The following CCNF variants were observed in gnomAD, a reference collection of about 807,000 sequenced individuals.
CCNF encodes the protein cyclin-F.
CCNF carries 30 observed loss-of-function variants against 85.4 expected under a neutral mutation model. The ratio of observed to expected loss-of-function variants is 0.35; its 90% CI spans 0.26 to 0.48. The LOEUF is 0.48. Ranked by LOEUF, CCNF falls within the 20% of genes least tolerant of loss-of-function variation. CCNF has a pLI of 0.99. For synonymous variants in CCNF, 439 were observed against 425.1 expected (o/e 1.03, Z -0.40); for missense variants, 919 against 1,010.4 (o/e 0.91, Z 1.23).
Position 2,429,461 on chromosome 16 carries a change from G to C in CCNF, c.-21G>C. 8.2e-7 allele frequency: 1 copy of C among 1,223,902 alleles called. No individual in the cohort carries two copies. Among genetic ancestry groups the C allele is most frequent in the Non-Finnish European group, 1.0e-6 (1 of 983,536 alleles). The allele number at this position is 1,223,902 out of a possible 1,614,324, so 75.8% of individuals were successfully genotyped here. On this transcript the variant is annotated 5_prime_UTR_variant, in exon 1 of 17. Coordinates refer to ENST00000397066, the MANE Select transcript of CCNF (RefSeq NM_001761.3). ...GGCGCGCTCTCAGGCGGGCTCCGGC[G>C]GCAGCGACGCGAGCGCGGCGATGGG...
At position 2,443,708 on chromosome 16, in the gene CCNF, C is replaced by A. The variant is rs1209148051; in HGVS notation, c.837C>A (p.Ser279=). The A allele has an allele frequency of 2.5e-6, 4 of 1,613,978 alleles. No homozygotes were observed. The African/African-American group carries it at 5.3e-5, about 22-fold the overall frequency. Residue 279 remains serine (S), a synonymous_variant, in exon 9 of 17, where the codon TCC becomes TCA. Coordinates refer to ENST00000397066, the MANE Select transcript of CCNF (RefSeq NM_001761.3). ...AGCTTGGACTGGAGGTGAGAGCTTC[C>A]AGTGAGATCGTCTGCCAGCTATTTC... ...ANQLGLEVRA[S]SEIVCQLFQA...
At chr16:2,437,894 G>C (rs2065299975) in intron 5 of CCNF, 176 bp from the exon 6 acceptor site, 2 of 519,470 alleles carry the variant, frequency 3.9e-6, no homozygotes, top group South Asian at 4.2e-5. Context: ...GCAAGACCCT[G>C]TTTCCCTTTA....
rs2065434474 is a variant in CCNF, at chr16:2,457,198, T to C, written c.*178T>C. 1.8e-6 allele frequency: 1 copy of C among 564,034 alleles called. No individual in the cohort carries two copies. The highest frequency in any genetic ancestry group is 1.9e-5 in the African/African-American group (1 of 53,160). The allele number at this position is 564,034 out of a possible 1,614,324, so 34.9% of individuals were successfully genotyped here. A position where few individuals can be genotyped will look rare whatever the true frequency, so the allele number is the denominator to read the frequency against. On this transcript the variant is annotated 3_prime_UTR_variant, in exon 17 of 17. Coordinates refer to ENST00000397066, the MANE Select transcript of CCNF (RefSeq NM_001761.3). Reference sequence around the variant, plus strand: ...GAGTCCCGTGCAAGCCATCAGAATGTTGAAATGAGGGTGAAGAGCTCAGAT... The same window carrying C: ...GAGTCCCGTGCAAGCCATCAGAATGCTGAAATGAGGGTGAAGAGCTCAGAT...
intron 3 of CCNF, among the ~76,000 whole-genome samples, chr16:2,434,619 T>C (rs2065278578): frequency 6.6e-6 from 1 of 152,074 alleles, no homozygotes; most frequent in African/African-American, 2.4e-5. Flanking sequence ...TCAAAATAAA[T>C]AAATAAGTAA....
chr16:2,449,033 TG>T, intron 11 of CCNF, 55 bp downstream of exon 11: 4 of 785,316 alleles, frequency 5.1e-6, no homozygotes, highest in South Asian at 1.4e-5. Context: ...TGCTGGAGGG[TG>T]GGGGTGGGCA....
chr16:2,455,643 C>T, intron 16 of CCNF, 79 bp downstream of exon 16: 2 of 1,482,906 alleles, frequency 1.3e-6, no homozygotes, highest in South Asian at 1.4e-5. Flanking sequence ...GGCACCCGGC[C>T]CTGTGCGAGC....
rs1384215507 is a variant in CCNF, at chr16:2,456,979, A to G, written c.2320A>G (p.Ser774Gly). ...QVKRINLCIH[S>G]EEEDMNLGLV... is the part of the protein sequence containing the mutation. ...GAAGCGGATAAACCTATGCATACAC[A>G]GTGAGGAGGAGGACATGAACCTGGG... is the stretch of plus-strand genomic sequence containing the variant. The change falls in exon 17 of 17, where the codon AGT (serine) becomes GGT (glycine). Residue 774 changes from serine to glycine, a missense_variant. Transcript: ENST00000397066. This position sits in a 1 kb window ranked among gnomAD's most constrained non-coding sequence, Gnocchi z 4.5. 1.9e-6 allele frequency: 3 copies of G among 1,604,006 alleles called. No individual in the cohort carries two copies. In the South Asian group the frequency reaches 3.3e-5, roughly 18 times the overall value.
chr16:2,444,962 G>A (rs996581407), intron 9 of CCNF, among the ~76,000 whole-genome samples: 6 of 99,586 alleles, frequency 6.0e-5, no homozygotes, highest in East Asian at 3.4e-4. Context: ...GTGTGTTCTC[G>A]GCTTGCTGTA....
chr16:2,447,788 C>G (rs2141826035), intron 10 of CCNF, among the ~76,000 whole-genome samples: 1 of 152,238 alleles, frequency 6.6e-6, no homozygotes, highest in East Asian at 1.9e-4. Flanking sequence ...GAGCTGCCCC[C>G]CACCTCTGCT....
In CCNF at chr16:2,449,333, G is replaced by A. The variant is rs1398129004; in HGVS notation, c.1270G>A (p.Glu424Lys). The change falls in exon 12 of 17, where the codon GAG (glutamate) becomes AAG (lysine). Residue 424 changes from glutamate to lysine, a missense_variant. This residue lies in a region of CCNF where 505 missense variants were observed against 514.8 expected (regional missense o/e 0.98). Coordinates refer to ENST00000397066, the MANE Select transcript of CCNF (RefSeq NM_001761.3). ...KEVLLTLVPV[E>K]LRTQHLCSFL... ...GGTCCTGCTGACGCTAGTCCCTGTGGAGCTGAGAACCCAGCACCTGTGCAG... is the reference window on the plus strand; with the variant it reads ...GGTCCTGCTGACGCTAGTCCCTGTGAAGCTGAGAACCCAGCACCTGTGCAG... The A allele has an allele frequency of 6.2e-7, 1 of 1,613,748 alleles. No homozygotes were observed. The highest frequency in any genetic ancestry group is 2.2e-5 in the East Asian group (1 of 44,890).
At chr16:2,433,149 C>A in intron 3 of CCNF, 82 bp downstream of exon 3, 1 of 832,606 alleles carries the variant, frequency 1.2e-6, no homozygotes, top group Non-Finnish European at 2.0e-6. Flanking sequence ...CGGCCTGATT[C>A]AGCAACGATT....
intron 15 of CCNF, among the ~76,000 whole-genome samples, chr16:2,454,238 C>T (rs1041587998): frequency 6.6e-6 from 1 of 152,222 alleles, no homozygotes; most frequent in South Asian, 2.1e-4. Flanking sequence ...GAGACCTCAA[C>T]TCCTGGGGAG....
rs2065357887 is a variant in CCNF, at chr16:2,445,639, G to C, written c.1094+17G>C. On this transcript the variant is annotated intron_variant, in intron 10 of 16. Coordinates refer to ENST00000397066, the MANE Select transcript of CCNF (RefSeq NM_001761.3). ...CTGCACCCGGTGAGAAGCCCCCTTG[G>C]CCCAGCTGGCAGGGACGTGCTGGCC... 6.2e-7 allele frequency: 1 copy of C among 1,607,744 alleles called. No individual in the cohort carries two copies. Among genetic ancestry groups the C allele is most frequent in the East Asian group, 2.2e-5 (1 of 44,828 alleles).
At position 2,445,470 on chromosome 16, in the gene CCNF, C is replaced by A; in HGVS notation, c.942C>A (p.Ile314=). The change falls in exon 10 of 17, where the codon ATC becomes ATA. Residue 314 remains isoleucine, a synonymous_variant. Transcript: ENST00000397066. ...TCTCTTTCCGCAGGTACATTCTGAT[C>A]GACTGGCTGGTGGAAGTTGCCACCA... is the stretch of plus-strand genomic sequence containing the variant. ...GLNDTMRYIL[I]DWLVEVATMK... is the part of the protein sequence containing the mutation. 3 of 1,614,144 alleles carry A rather than the reference C, an allele frequency of 1.9e-6. No homozygotes were observed. The highest frequency in any genetic ancestry group is 1.1e-5 in the South Asian group (1 of 91,084).
rs774939405 is a variant in CCNF, at chr16:2,431,170, A to G, written c.57A>G (p.Thr19=). Reference sequence around the variant, plus strand: ...GTGCCAAGTGTTTCTGTTATCCTACAAAGCGAAGAATAAGGAGGAGGCCCC... The same window carrying G: ...GTGCCAAGTGTTTCTGTTATCCTACGAAGCGAAGAATAAGGAGGAGGCCCC... ...CRCAKCFCYP[T]KRRIRRRPRN... The change falls in exon 2 of 17, where the codon ACA becomes ACG. Residue 19 remains threonine (T), a synonymous_variant. Transcript: ENST00000397066. The G allele has an allele frequency of 3.1e-6, 5 of 1,614,094 alleles. No homozygotes were observed. In the Admixed American group the frequency reaches 5.0e-5, roughly 16 times the overall value.
At chr16:2,436,040 G>A (rs1204944426) in intron 4 of CCNF, 167 bp downstream of exon 4, 3 of 522,280 alleles carry the variant, frequency 5.7e-6, no homozygotes, top group Middle Eastern at 5.0e-4. Context: ...ACCCTGCTGA[G>A]GGACCTGCTA....
intron 7 of CCNF, 119 bp downstream of exon 7, chr16:2,439,576 T>A: frequency 1.1e-6 from 1 of 921,696 alleles, no homozygotes; most frequent in Non-Finnish European, 1.7e-6. Flanking sequence ...TCCCGGTCTC[T>A]CAGCCTCCGG....
chr16:2,451,128 A>T lies in CCNF; in HGVS notation c.1487+1213A>T, dbSNP rs1406957244. ...CAGCCCACGTTGGTTTGTTCCATGCAGTTCATGAAGTCCCTACCGTGGTCC... is the reference window on the plus strand; with the variant it reads ...CAGCCCACGTTGGTTTGTTCCATGCTGTTCATGAAGTCCCTACCGTGGTCC... On this transcript the variant is annotated intron_variant, in intron 13 of 16. Coordinates refer to ENST00000397066, the MANE Select transcript of CCNF (RefSeq NM_001761.3). This position sits in a 1 kb window ranked among gnomAD's most constrained non-coding sequence, Gnocchi z 4.3. Among the ~76,000 whole-genome samples, 1 of 152,196 alleles carries T rather than the reference A, an allele frequency of 6.6e-6. No individual in the cohort carries two copies. Among genetic ancestry groups the T allele is most frequent in the Non-Finnish European group, 1.5e-5 (1 of 68,028 alleles).
rs2065428221 is a variant in CCNF at position 2,456,487 on chromosome 16, G to A, written c.1886-58G>A. On this transcript the variant is annotated intron_variant, in intron 16 of 16. Transcript: ENST00000397066. The surrounding 1 kb of genome is among the most constrained non-coding windows in gnomAD (Gnocchi z 4.5). ...GACTTCAGGGTCCTGACCTGGCAGG[G>A]GGTCTCCCCTGATGCTTGGGTGTGA... The A allele has an allele frequency of 8.0e-7, 1 of 1,257,470 alleles. No homozygotes were observed. Among genetic ancestry groups the A allele is most frequent in the Admixed American group, 2.6e-5 (1 of 38,698 alleles). The allele number at this position is 1,257,470 out of a possible 1,614,324, so 77.9% of individuals were successfully genotyped here.
Sources: allele counts gnomAD v4.1 joint callset (sites outside exome capture counted in the v4.1 genomes callset), GRCh38; gene constraint gnomAD v4.1.1; regional missense constraint gnomAD v4.1.1; non-coding constraint Gnocchi (gnomAD v3.1); transcripts MANE v1.5; gene names NCBI Gene and HGNC (gene_info 2026-07-23, HGNC 2026-07-21).